Variants in MAP3K20 observed in about 807,000 individuals in gnomAD.
MAP3K20 encodes HCCS-4.
Under a neutral mutation model 85.7 loss-of-function variants are expected in MAP3K20, and 40 were observed. The observed-to-expected ratio is 0.47, with a 90% CI of 0.36 to 0.61. The LOEUF is 0.61. Among genes scored for constraint, MAP3K20 ranks in the 20% least tolerant of loss-of-function variants. The pLI is 0.00. For missense variants in MAP3K20, 817 were observed against 961.7 expected (o/e 0.85, Z 1.99); for synonymous variants, 325 against 327.7 (o/e 0.99, Z 0.09).
intron 16 of MAP3K20, among the ~76,000 whole-genome samples, chr2:173,244,825 G>T (rs1684877343): frequency 1.3e-5 from 2 of 152,100 alleles, no homozygotes; most frequent in Admixed American, 6.6e-5. Flanking sequence ...AAGAAAAAAA[G>T]GCTTCCTCCA....
chr2:173,148,745 C>T (rs1228733902), intron 2 of MAP3K20, among the ~76,000 whole-genome samples: 1 of 152,196 alleles, frequency 6.6e-6, no homozygotes, highest in Non-Finnish European at 1.5e-5. Flanking sequence ...TTGCTGATCT[C>T]TATGGAATGT....
intron 3 of MAP3K20, among the ~76,000 whole-genome samples, chr2:173,170,634 C>T (rs536340079): frequency 6.6e-6 from 1 of 151,954 alleles, no homozygotes; most frequent in East Asian, 1.9e-4. Context: ...CACATGTTCT[C>T]GGTAGAGGTG....
chr2:173,090,488 T>G, intron 1 of MAP3K20: 9 of 341,738 alleles, frequency 2.6e-5, no homozygotes, highest in Non-Finnish European at 2.9e-5. Context: ...GGAGTCAACG[T>G]TTATTGTGTG....
chr2:173,157,279 T>G (rs1689505102), intron 2 of MAP3K20, among the ~76,000 whole-genome samples: 1 of 151,690 alleles, frequency 6.6e-6, no homozygotes, highest in Non-Finnish European at 1.5e-5. Context: ...TAATATTCTA[T>G]GATTCCAGAT....
chr2:173,186,622 C>CATTTTAAA (rs1690492975), intron 4 of MAP3K20, among the ~76,000 whole-genome samples: 1 of 152,014 alleles, frequency 6.6e-6, no homozygotes, highest in Non-Finnish European at 1.5e-5. Context: ...AAATTATTTT[C>CATTTTAAA]AATGCATTGT....
At chr2:173,141,268 A>C (rs1192043694) in intron 2 of MAP3K20, among the ~76,000 whole-genome samples, 1 of 152,186 alleles carries the variant, frequency 6.6e-6, no homozygotes, top group African/African-American at 2.4e-5. Context: ...CATATTAGAC[A>C]TGTGAAGTTG....
rs1008204552 is a variant in MAP3K20 at position 173,207,369 on chromosome 2, G to A, written c.745-2360G>A. On this transcript the variant is annotated intron_variant, in intron 9 of 19. Transcript: ENST00000375213. The stretch of plus-strand genomic sequence containing the variant: ...TAGCTGGGCGTGGTGGCGCGTTCCT[G>A]TAGTCCCAGCTACTTGGGAGTCTGA... 2.6e-5 allele frequency among the ~76,000 whole-genome samples: 4 copies of A among 152,260 alleles called. No individual in the cohort carries two copies. In the East Asian group the frequency reaches 5.8e-4, roughly 22 times the overall value.
intron 2 of MAP3K20, among the ~76,000 whole-genome samples, chr2:173,133,904 T>C (rs1010689380): frequency 2.0e-5 from 3 of 148,074 alleles, no homozygotes; most frequent in African/African-American, 7.5e-5. Context: ...GGCAGAAGAA[T>C]GGCGGGAACC....
chr2:173,199,474 A>G (rs1043395127), intron 8 of MAP3K20, among the ~76,000 whole-genome samples: 5 of 152,328 alleles, frequency 3.3e-5, no homozygotes, highest in African/African-American at 9.6e-5. Flanking sequence ...GATGACTGAT[A>G]TTGTCGTCAT....
intron 14 of MAP3K20, among the ~76,000 whole-genome samples, chr2:173,234,021 T>A (rs1253221587): frequency 6.6e-6 from 1 of 152,212 alleles, no homozygotes; most frequent in African/African-American, 2.4e-5. Flanking sequence ...TCCTAAAAGC[T>A]ATGCTGGCTT....
chr2:173,234,668 A>T (rs529946351), intron 14 of MAP3K20, among the ~76,000 whole-genome samples: 1 of 152,230 alleles, frequency 6.6e-6, no homozygotes, highest in Non-Finnish European at 1.5e-5. Context: ...ATGGAAGAGA[A>T]TGTGGAGGAA....
intron 2 of MAP3K20, among the ~76,000 whole-genome samples, chr2:173,095,725 G>A (rs997158655): frequency 2.0e-5 from 3 of 152,158 alleles, no homozygotes; most frequent in Admixed American, 6.5e-5. Flanking sequence ...TACAAATTAC[G>A]TTGCAGCTAT....
At chr2:173,258,082 C>T (rs879514313) in intron 16 of MAP3K20, among the ~76,000 whole-genome samples, 11 of 152,178 alleles carry the variant, frequency 7.2e-5, no homozygotes, top group East Asian at 1.9e-4. Context: ...ACAGAAGCCA[C>T]GAAGTAGCTG....
intron 2 of MAP3K20, among the ~76,000 whole-genome samples, chr2:173,094,082 A>G (rs1164891825): frequency 6.6e-6 from 1 of 151,956 alleles, no homozygotes; most frequent in Non-Finnish European, 1.5e-5. Context: ...TGGCACGTGT[A>G]TACATATGTA....
chr2:173,151,897 A>G (rs74825903), intron 2 of MAP3K20, among the ~76,000 whole-genome samples: 8,008 of 152,320 alleles, frequency 0.053, 316 homozygotes, highest in Middle Eastern at 0.12. Flanking sequence ...ATTGTAATGT[A>G]TGAGTCAGAT....
chr2:173,138,998 CAGA>C lies in MAP3K20; in HGVS notation c.160-30804_160-30802del, dbSNP rs577727668. Among the ~76,000 whole-genome samples, 181 of 152,310 alleles carry C rather than the reference CAGA, an allele frequency of 1.2e-3. 1 individual carries two copies. Among genetic ancestry groups the C allele is most frequent in the African/African-American group, 4.3e-3 (178 of 41,560 alleles). ...AGTGGGTTCAATCATACTCACCATT[CAGA>C]AGTTCTGCTTAATGGCTGGCTTAAG... On this transcript the variant is annotated intron_variant, in intron 2 of 19. Coordinates refer to ENST00000375213, the MANE Select transcript of MAP3K20 (RefSeq NM_016653.3).
intron 18 of MAP3K20, among the ~76,000 whole-genome samples, chr2:173,263,451 A>AT (rs1428473317): frequency 6.6e-6 from 1 of 152,220 alleles, no homozygotes; most frequent in Non-Finnish European, 1.5e-5. Flanking sequence ...AGACAACCAT[A>AT]TTTTTTAGCT....
chr2:173,138,735 C>T (rs1462189011), intron 2 of MAP3K20, among the ~76,000 whole-genome samples: 1 of 152,110 alleles, frequency 6.6e-6, no homozygotes, highest in Non-Finnish European at 1.5e-5. Context: ...TACTCAACTG[C>T]CTACTGGATG....
At chr2:173,216,018 C>G (rs1684061160) in intron 10 of MAP3K20, among the ~76,000 whole-genome samples, 1 of 151,960 alleles carries the variant, frequency 6.6e-6, no homozygotes, top group Non-Finnish European at 1.5e-5. Flanking sequence ...CACCCAGTTC[C>G]CATCTTCTTC....
Sources: gnomAD v4.1 joint callset for allele counts (sites outside exome capture counted in the v4.1 genomes callset) on GRCh38, gnomAD v4.1.1 for gene constraint, MANE v1.5 for transcripts, NCBI Gene and HGNC (gene_info 2026-07-23, HGNC 2026-07-21) for gene names.